SPATA22: variants seen among roughly 807,000 people sequenced by gnomAD.
SPATA22 encodes spermatogenesis-associated protein 22.
A neutral mutation model predicts 47.8 loss-of-function variants in SPATA22; 29 were observed. The observed-to-expected ratio is 0.61, with a 90% confidence interval of 0.45 to 0.83. The LOEUF is 0.83. SPATA22 is among the 40% of genes least tolerant of loss of function. SPATA22 has a pLI of 0.00. For synonymous variants in SPATA22, 133 were observed against 140.9 expected (o/e 0.94, Z 0.40); for missense variants, 410 against 421.7 (o/e 0.97, Z 0.24).
chr17:3,476,344 C>G, upstream of SPATA22: 1 of 1,614,074 alleles, frequency 6.2e-7, no homozygotes, highest in Non-Finnish European at 8.5e-7. Context: ...AAGAAGTGTA[C>G]CAGATATATT....
At chr17:3,458,855 CAA>C (rs545223532) in intron 5 of SPATA22, among the ~76,000 whole-genome samples, 843 of 38,316 alleles carry the variant, frequency 0.022, 6 homozygotes, top group African/African-American at 0.09. Flanking sequence ...CGAAACTTCA[CAA>C]AAAAAAAAAA....
chr17:3,469,376 A>T lies in SPATA22; in HGVS notation c.-51T>A, dbSNP rs1335435900. On this transcript the variant is annotated 5_prime_UTR_variant, in exon 2 of 9. Transcript: ENST00000572969. ...TTTCTATTCAGCATTCCAAATTTAT[A>T]ATATGACATTGTCCCACTAGACCTG... is the stretch of plus-strand genomic sequence containing the variant. The T allele has an allele frequency of 1.4e-6, 2 of 1,437,660 alleles. No homozygotes were observed. The highest frequency in any genetic ancestry group is 1.9e-6 in the Non-Finnish European group (2 of 1,056,088). The allele number at this position is 1,437,660 out of a possible 1,614,324, so 89.1% of individuals were successfully genotyped here.
At chr17:3,464,067 C>T (rs1773205566) in intron 3 of SPATA22, among the ~76,000 whole-genome samples, 1 of 151,774 alleles carries the variant, frequency 6.6e-6, no homozygotes, top group African/African-American at 2.4e-5. Context: ...TCTCGGCTCA[C>T]TGCAACCTCC....
chr17:3,496,051 G>T (rs2073903006), intron 1 of SPATA22, among the ~76,000 whole-genome samples: 1 of 152,226 alleles, frequency 6.6e-6, no homozygotes, highest in African/African-American at 2.4e-5. Flanking sequence ...GGCAGACGGA[G>T]AAGTGAGATG....
At chr17:3,483,590 T>G (rs2073671846) in intron 1 of SPATA22, 2 of 1,610,730 alleles carry the variant, frequency 1.2e-6, no homozygotes, top group East Asian at 2.2e-5. Flanking sequence ...AAGTATCCTG[T>G]GGGTAAGTCA....
chr17:3,464,261 C>T (rs1259625517), intron 3 of SPATA22, among the ~76,000 whole-genome samples: 6 of 151,534 alleles, frequency 4.0e-5, no homozygotes, highest in Non-Finnish European at 7.4e-5. Flanking sequence ...GGATTGCAGA[C>T]GGTGTCTGGT....
At chr17:3,445,786 T>C (rs2150697016) in intron 7 of SPATA22, among the ~76,000 whole-genome samples, 1 of 152,190 alleles carries the variant, frequency 6.6e-6, no homozygotes, top group East Asian at 1.9e-4. Context: ...TCTACATCTA[T>C]ATATACACAC....
chr17:3,445,626 G>T (rs1385094379), intron 7 of SPATA22, among the ~76,000 whole-genome samples: 1 of 152,220 alleles, frequency 6.6e-6, no homozygotes, highest in East Asian at 1.9e-4. Context: ...AATTGAAAAT[G>T]AATACAGCGT....
chr17:3,491,252 C>T (rs1229908596), intron 1 of SPATA22, among the ~76,000 whole-genome samples: 3 of 152,162 alleles, frequency 2.0e-5, no homozygotes. Context: ...AGGTTAACAA[C>T]ATCAGGGACC....
chr17:3,475,338 C>G (rs1362167214), upstream of SPATA22: 1 of 152,302 alleles, frequency 6.6e-6, no homozygotes, highest in African/African-American at 2.4e-5. Flanking sequence ...GTGGTTAGCA[C>G]ATGCAGTGTG....
chr17:3,477,334 G>T (rs1382290343), intron 1 of SPATA22, among the ~76,000 whole-genome samples: 3 of 152,132 alleles, frequency 2.0e-5, no homozygotes, highest in Non-Finnish European at 4.4e-5. Flanking sequence ...TGCATACAAC[G>T]TAAGCAGTCA....
At chr17:3,472,351 C>G (rs2073455362), upstream of SPATA22, 1 of 152,436 alleles carries the variant, frequency 6.6e-6, no homozygotes, top group African/African-American at 2.4e-5. Context: ...GGGAAGCGCC[C>G]GTGAGCCGCA....
chr17:3,476,683 A>T (rs369960003), upstream of SPATA22, among the ~76,000 whole-genome samples: 69 of 152,320 alleles, frequency 4.5e-4, no homozygotes, highest in African/African-American at 1.7e-3. Flanking sequence ...GTTTTGTTTT[A>T]AAATCATACC....
At chr17:3,473,474 G>A (rs1439402639), upstream of SPATA22, among the ~76,000 whole-genome samples, 3 of 152,156 alleles carry the variant, frequency 2.0e-5, no homozygotes, top group African/African-American at 4.8e-5. Flanking sequence ...TGACTGTGAA[G>A]TAAAACTCTG....
upstream of SPATA22, chr17:3,475,625 T>C (rs1284346091): frequency 2.5e-5 from 4 of 161,364 alleles, no homozygotes; most frequent in African/African-American, 9.6e-5. Context: ...TGGCTGTTTA[T>C]AGAGGTGAGA....
chr17:3,463,249 A>G (rs773974192), intron 3 of SPATA22, among the ~76,000 whole-genome samples: 4 of 150,116 alleles, frequency 2.7e-5, no homozygotes, highest in African/African-American at 4.9e-5. Flanking sequence ...TGACAGGGAT[A>G]CAGTCTAAGA....
At position 3,440,445 on chromosome 17, in the gene SPATA22, T is replaced by C. The variant is rs2072573714; in HGVS notation, c.901-107A>G. 3 of 936,622 alleles carry C rather than the reference T, an allele frequency of 3.2e-6. No homozygotes were observed. The Admixed American group carries it at 9.2e-5, about 29-fold the overall frequency. 58.0% of individuals were successfully genotyped at this position (936,622 alleles called of 1,614,324 possible). On this transcript the variant is annotated intron_variant, in intron 8 of 8. Transcript: ENST00000572969. The stretch of plus-strand genomic sequence containing the variant: ...AAACATGTGCCACCTCAAAATGCTA[T>C]AATTCCTTCACGTGAGTCAGGGCCC...
intron 5 of SPATA22, among the ~76,000 whole-genome samples, chr17:3,457,008 C>A (rs1178416030): frequency 2.6e-5 from 4 of 151,928 alleles, no homozygotes; most frequent in South Asian, 2.1e-4. Flanking sequence ...ACCCTTCATG[C>A]TAAAAACTCT....
In SPATA22 at chr17:3,465,790, T is replaced by TAAA. The variant is rs10681973; in HGVS notation, c.172+1633_172+1635dup. On this transcript the variant is annotated intron_variant, in intron 3 of 8. Transcript: ENST00000572969. ...AGAATGATCAATAAAAATAAAAATTTAAAAAACAAAAAAAAACAACACTGA... is the reference window on the plus strand; with the variant it reads ...AGAATGATCAATAAAAATAAAAATTTAAAAAAAAACAAAAAAAAACAACACTGA... 7.5e-5 allele frequency among the ~76,000 whole-genome samples: 11 copies of TAAA among 147,514 alleles called. No homozygotes were observed. In the East Asian group the frequency reaches 2.0e-3, roughly 26 times the overall value.
Sources: allele counts gnomAD v4.1 joint callset (sites outside exome capture counted in the v4.1 genomes callset), GRCh38; gene constraint gnomAD v4.1.1; transcripts MANE v1.5; gene names NCBI Gene and HGNC (gene_info 2026-07-23, HGNC 2026-07-21).